The following CERKL variants were observed in gnomAD, a reference collection of about 807,000 sequenced individuals.
The protein encoded by CERKL is ceramide kinase-like protein.
Under a neutral mutation model 63.4 loss-of-function variants are expected in CERKL, and 61 were observed. The observed-to-expected ratio is 0.96, with a 90% CI of 0.78 to 1.19. CERKL has a LOEUF of 1.19. Among genes scored for constraint, CERKL ranks in the 50% most tolerant of loss-of-function variants. The pLI is 0.00. For synonymous variants in CERKL, 250 were observed against 230.5 expected, an observed-to-expected ratio of 1.08 and a Z score of -0.77; for missense variants, 675 against 655.5, an observed-to-expected ratio of 1.03 and a Z score of -0.33.
intron 11 of CERKL, among the ~76,000 whole-genome samples, chr2:181,543,499 AAT>A (rs1483520663): frequency 6.6e-5 from 10 of 152,212 alleles, no homozygotes; most frequent in African/African-American, 2.2e-4. Flanking sequence ...AGGATCAAAT[AAT>A]GTTACTGACA....
chr2:181,582,539 T>G (rs1422836940), intron 2 of CERKL, among the ~76,000 whole-genome samples: 11 of 143,120 alleles, frequency 7.7e-5, no homozygotes, highest in South Asian at 2.2e-4. Flanking sequence ...ATATATATGT[T>G]TTTTTTTTTT....
At chr2:181,638,355 AC>A (rs1352678298) in intron 1 of CERKL, among the ~76,000 whole-genome samples, 2 of 152,162 alleles carry the variant, frequency 1.3e-5, no homozygotes, top group Non-Finnish European at 2.9e-5. Context: ...TTCAAGATGA[AC>A]CTGGAATATC....
intron 1 of CERKL, among the ~76,000 whole-genome samples, chr2:181,613,285 GGTGAACCACA>G (rs1686053549): frequency 6.6e-6 from 1 of 152,132 alleles, no homozygotes; most frequent in South Asian, 2.1e-4. Flanking sequence ...TAAAACAGTA[GGTGAACCACA>G]GTTCTGCCTG....
In CERKL at chr2:181,537,909, T is replaced by C. The variant is rs528035517; in HGVS notation, c.*275A>G. 42 of 570,906 alleles carry C rather than the reference T, an allele frequency of 7.4e-5. No individual in the cohort carries two copies. The highest frequency in any genetic ancestry group is 6.8e-4 in the African/African-American group (37 of 54,364). The allele number at this position is 570,906 out of a possible 1,614,324, so 35.4% of individuals were successfully genotyped here. ...TGGAGCATTACTGAGTTCCTCCCCC[T>C]GTCAGATCAGCAGCAGCATTAGATT... On this transcript the variant is annotated 3_prime_UTR_variant, in exon 13 of 13. Transcript: ENST00000410087.
intron 2 of CERKL, among the ~76,000 whole-genome samples, chr2:181,583,919 T>G (rs1390300821): frequency 6.6e-6 from 1 of 152,230 alleles, no homozygotes; most frequent in Non-Finnish European, 1.5e-5. Flanking sequence ...GTATTAAATG[T>G]TAATAAGCAA....
chr2:181,594,725 C>T (rs1259052273), intron 2 of CERKL, among the ~76,000 whole-genome samples: 1 of 151,964 alleles, frequency 6.6e-6, no homozygotes, highest in African/African-American at 2.4e-5. Flanking sequence ...TAGTAAAAAA[C>T]GGTGCTTTTG....
chr2:181,620,529 G>A (rs760919353), intron 1 of CERKL, among the ~76,000 whole-genome samples: 1 of 152,178 alleles, frequency 6.6e-6, no homozygotes, highest in Non-Finnish European at 1.5e-5. Context: ...AACAACTGTT[G>A]AAAGTTCAGA....
chr2:181,656,764 C>T lies in CERKL; in HGVS notation c.238+5G>A, dbSNP rs1688180732. 2 of 1,588,042 alleles carry T rather than the reference C, an allele frequency of 1.3e-6. No homozygotes were observed. Among genetic ancestry groups the T allele is most frequent in the Non-Finnish European group, 1.7e-6 (2 of 1,166,720 alleles). The stretch of plus-strand genomic sequence containing the variant: ...AGGCGAAGACGCTTGGGGCCGGGCA[C>T]TCACCCGCCGGGCGCTCGGGCTGAA... On this transcript the variant is annotated splice_donor_5th_base_variant and intron_variant, in intron 1 of 12. Transcript: ENST00000410087.
At chr2:181,603,634 C>T in intron 2 of CERKL, 2 of 638,174 alleles carry the variant, frequency 3.1e-6, no homozygotes, top group Admixed American at 2.1e-5. Flanking sequence ...ACCACATTAA[C>T]AGGATGTAGG....
chr2:181,549,860 G>T (rs897855868), intron 5 of CERKL, 152 bp from the exon 6 acceptor site: 15 of 672,318 alleles, frequency 2.2e-5, no homozygotes, highest in Non-Finnish European at 3.6e-5. Context: ...AATATTAGAA[G>T]TTTAAGTTCT....
intron 5 of CERKL, among the ~76,000 whole-genome samples, chr2:181,556,011 C>T (rs1688188187): frequency 6.6e-6 from 1 of 151,978 alleles, no homozygotes; most frequent in Non-Finnish European, 1.5e-5. Context: ...CTCGGCCTCC[C>T]AAAGTGCTGG....
chr2:181,554,649 C>G (rs369082370), intron 5 of CERKL, among the ~76,000 whole-genome samples: 19 of 152,224 alleles, frequency 1.2e-4, no homozygotes, highest in African/African-American at 4.6e-4. Context: ...GCCAGCAGTT[C>G]AAATACAGGC....
chr2:181,655,663 T>C (rs1205824251), intron 1 of CERKL, among the ~76,000 whole-genome samples: 1 of 152,246 alleles, frequency 6.6e-6, no homozygotes, highest in Non-Finnish European at 1.5e-5. Flanking sequence ...GTTAGACTTT[T>C]GAGCAAGACT....
chr2:181,568,035 C>T (rs958214142), intron 3 of CERKL, among the ~76,000 whole-genome samples: 16 of 152,190 alleles, frequency 1.1e-4, no homozygotes, highest in Non-Finnish European at 2.4e-4. Flanking sequence ...GTGAAGCCTT[C>T]ACAGTTTACA....
intron 1 of CERKL, among the ~76,000 whole-genome samples, chr2:181,650,901 TG>T (rs1208203045): frequency 6.6e-6 from 1 of 152,232 alleles, no homozygotes; most frequent in African/African-American, 2.4e-5. Context: ...AATTTAGAGT[TG>T]GTTTTCAACA....
intron 10 of CERKL, among the ~76,000 whole-genome samples, chr2:181,545,561 C>T (rs1457040644): frequency 6.6e-6 from 1 of 152,132 alleles, no homozygotes; most frequent in Non-Finnish European, 1.5e-5. Flanking sequence ...CTTATGAAAG[C>T]TCAAGTCAGA....
At chr2:181,551,122 G>GAATT (rs139792988) in intron 5 of CERKL, among the ~76,000 whole-genome samples, 2,820 of 152,200 alleles carry the variant, frequency 0.019, 72 homozygotes, top group African/African-American at 0.063. Flanking sequence ...GCAAGAGAAA[G>GAATT]AAATAAAAGG....
intron 1 of CERKL, among the ~76,000 whole-genome samples, chr2:181,644,064 T>C (rs898252867): frequency 6.6e-6 from 1 of 152,218 alleles, no homozygotes; most frequent in East Asian, 1.9e-4. Context: ...ACTCTGAAAA[T>C]ATCTGATCCA....
intron 1 of CERKL, among the ~76,000 whole-genome samples, chr2:181,654,257 A>C (rs1462907157): frequency 6.6e-6 from 1 of 152,124 alleles, no homozygotes; most frequent in Non-Finnish European, 1.5e-5. Context: ...AGGGAAGGGT[A>C]ATAACACATC....
Sources: allele counts gnomAD v4.1 joint callset (sites outside exome capture counted in the v4.1 genomes callset), GRCh38; gene constraint gnomAD v4.1.1; transcripts MANE v1.5; gene names NCBI Gene and HGNC (gene_info 2026-07-23, HGNC 2026-07-21).